Variants in DMXL2 observed in about 807,000 individuals in gnomAD.
The protein encoded by DMXL2 is Dmx like 2.
DMXL2 carries 103 observed loss-of-function variants against 331.1 expected under a neutral mutation model. The ratio of observed to expected loss-of-function variants is 0.31; its 90% CI spans 0.27 to 0.37. The LOEUF is 0.37. DMXL2 is among the 10% of genes least tolerant of loss of function. The probability of loss-of-function intolerance (pLI) is 1.00; values close to 1 mark genes in which losing one functional copy is unlikely to be tolerated. For missense variants in DMXL2, 3,171 were observed against 3,642.9 expected (o/e 0.87, Z 3.33); for synonymous variants, 1,281 against 1,252.1 (o/e 1.02, Z -0.49).
intron 9 of DMXL2, among the ~76,000 whole-genome samples, chr15:51,541,384 A>G (rs534741608): frequency 2.0e-5 from 3 of 152,276 alleles, no homozygotes; most frequent in African/African-American, 7.2e-5. Flanking sequence ...AATATGAAAT[A>G]AAATTATTTA....
At chr15:51,473,728 A>G (rs1285136954) in intron 28 of DMXL2, among the ~76,000 whole-genome samples, 1 of 152,236 alleles carries the variant, frequency 6.6e-6, no homozygotes, top group Non-Finnish European at 1.5e-5. Flanking sequence ...TCACCATATC[A>G]TACCATTTTC....
chr15:51,548,514 T>C (rs1441882440), intron 6 of DMXL2, among the ~76,000 whole-genome samples: 1 of 152,146 alleles, frequency 6.6e-6, no homozygotes, highest in Non-Finnish European at 1.5e-5. Context: ...CAGCATAGCA[T>C]CATTTTCACA....
intron 1 of DMXL2, among the ~76,000 whole-genome samples, chr15:51,589,005 T>C (rs1339552419): frequency 2.6e-5 from 4 of 152,216 alleles, no homozygotes; most frequent in African/African-American, 9.6e-5. Flanking sequence ...AGGCACAGTA[T>C]GTTCTTTACT....
chr15:51,451,562 A>C (rs1167906902), intron 42 of DMXL2, 83 bp downstream of exon 42: 1 of 1,066,336 alleles, frequency 9.4e-7, no homozygotes, highest in Non-Finnish European at 1.4e-6. Context: ...CACTGGATTC[A>C]CTAATTAAAA....
chr15:51,548,700 C>T (rs2049028858), intron 6 of DMXL2, among the ~76,000 whole-genome samples: 1 of 152,046 alleles, frequency 6.6e-6, no homozygotes, highest in Admixed American at 6.6e-5. Context: ...GAAGCAGTCC[C>T]TATTTCATCT....
chr15:51,575,514 G>C (rs543480543), intron 2 of DMXL2, among the ~76,000 whole-genome samples: 4 of 152,248 alleles, frequency 2.6e-5, no homozygotes, highest in African/African-American at 7.2e-5. Flanking sequence ...AATTGGGGGA[G>C]AGGTACATAT....
intron 1 of DMXL2, among the ~76,000 whole-genome samples, chr15:51,618,284 C>T (rs2054413407): frequency 6.6e-6 from 1 of 151,548 alleles, no homozygotes; most frequent in African/African-American, 2.4e-5. Context: ...TCAATAAACT[C>T]CCTGAAATCA....
At chr15:51,539,219 A>G (rs1176142712) in intron 9 of DMXL2, among the ~76,000 whole-genome samples, 1 of 152,088 alleles carries the variant, frequency 6.6e-6, no homozygotes, top group Non-Finnish European at 1.5e-5. Flanking sequence ...CCAAAAAAAA[A>G]AAGGAAGAAA....
Position 51,480,091 on chromosome 15 carries a change from G to C in DMXL2, c.6613C>G (p.Leu2205Val). The change falls in exon 25 of 44, where the codon CTA becomes GTA. Residue 2205 changes from leucine to valine, a missense_variant. By Grantham distance (32) the Leu-to-Val change is conservative. Transcript: ENST00000560891. Reference protein sequence around the residue: ...LQSPLPLPTTLPLLSASIAST... With the variant: ...LQSPLPLPTTVPLLSASIAST... Reference sequence around the variant, plus strand: ...GCAATACTTGCTGAAAGCAGAGGTAGGGTGGTAGGCAGTGGTAGTGGAGAC... The same window carrying C: ...GCAATACTTGCTGAAAGCAGAGGTACGGTGGTAGGCAGTGGTAGTGGAGAC... 3 of 1,598,110 alleles carry C rather than the reference G, an allele frequency of 1.9e-6. No homozygotes were observed. The highest frequency in any genetic ancestry group is 2.6e-6 in the Non-Finnish European group (3 of 1,167,738).
At chr15:51,528,433 T>C (rs2047806156) in intron 13 of DMXL2, among the ~76,000 whole-genome samples, 1 of 152,136 alleles carries the variant, frequency 6.6e-6, no homozygotes, top group Admixed American at 6.5e-5. Context: ...GCTATACTTA[T>C]ATCAGACAGA....
chr15:51,582,752 T>C (rs1370178212), intron 1 of DMXL2, among the ~76,000 whole-genome samples: 1 of 152,116 alleles, frequency 6.6e-6, no homozygotes, highest in African/African-American at 2.4e-5. Context: ...ATGTACAAGG[T>C]AAATAAGGCA....
intron 20 of DMXL2, among the ~76,000 whole-genome samples, chr15:51,491,346 C>G (rs1056799200): frequency 6.6e-6 from 1 of 151,948 alleles, no homozygotes; most frequent in Non-Finnish European, 1.5e-5. Flanking sequence ...AAGGCTGAGG[C>G]AGGAAAATCG....
At chr15:51,482,515 T>C (rs1488855802) in intron 23 of DMXL2, among the ~76,000 whole-genome samples, 1 of 152,160 alleles carries the variant, frequency 6.6e-6, no homozygotes, top group Non-Finnish European at 1.5e-5. Context: ...ATTCCATTCA[T>C]TGCAATAGTC....
chr15:51,529,891 T>C (rs1437066378), intron 13 of DMXL2, among the ~76,000 whole-genome samples: 1 of 152,144 alleles, frequency 6.6e-6, no homozygotes, highest in Admixed American at 6.6e-5. Context: ...ACAATATGAT[T>C]AAAATGATTA....
At chr15:51,480,440 G>T in intron 24 of DMXL2, 102 bp downstream of exon 24, 1 of 1,332,488 alleles carries the variant, frequency 7.5e-7, no homozygotes, top group Non-Finnish European at 1.0e-6. Flanking sequence ...AACATATTTA[G>T]ATTAACTAGT....
chr15:51,581,385 C>T lies in DMXL2; in HGVS notation c.88-5204G>A, dbSNP rs116867676. ...TCCTTGGTACCAAAAAGGTTGGAGA[C>T]CGCTGCTCTAGAGGGTTTAATGTCC... On this transcript the variant is annotated intron_variant, in intron 1 of 43. Coordinates refer to ENST00000560891, the MANE Select transcript of DMXL2 (RefSeq NM_001378457.1). Among the ~76,000 whole-genome samples the T allele has an allele frequency of 2.6e-3, 400 of 152,240 alleles. 1 individual carries two copies. The highest frequency in any genetic ancestry group is 4.2e-3 in the Non-Finnish European group (285 of 67,992).
intron 1 of DMXL2, among the ~76,000 whole-genome samples, chr15:51,601,397 T>C (rs761820810): frequency 6.6e-6 from 1 of 152,156 alleles, no homozygotes; most frequent in East Asian, 1.9e-4. Flanking sequence ...TTCTAAAATA[T>C]GTATTGTTCT....
intron 27 of DMXL2, among the ~76,000 whole-genome samples, chr15:51,475,601 G>T (rs1397354174): frequency 6.6e-6 from 1 of 152,152 alleles, no homozygotes; most frequent in African/African-American, 2.4e-5. Context: ...CTTCAAAAGT[G>T]TCAAAGTTGT....
intron 13 of DMXL2, among the ~76,000 whole-genome samples, chr15:51,532,538 C>A (rs2048062606): frequency 6.6e-6 from 1 of 152,130 alleles, no homozygotes; most frequent in Non-Finnish European, 1.5e-5. Flanking sequence ...GTAATTAGAT[C>A]ATTTGTAACA....
Sources: gnomAD v4.1 joint callset for allele counts (sites outside exome capture counted in the v4.1 genomes callset) on GRCh38, gnomAD v4.1.1 for gene constraint, MANE v1.5 for transcripts, NCBI Gene and HGNC (gene_info 2026-07-23, HGNC 2026-07-21) for gene names.